CIT: variants seen among roughly 807,000 people sequenced by gnomAD.
CIT encodes the protein citron Rho-interacting kinase.
CIT carries 79 observed loss-of-function variants against 272.7 expected under a neutral mutation model. That is an observed-to-expected ratio of 0.29 (90% CI 0.24 to 0.35). The LOEUF (loss-of-function observed/expected upper bound fraction) is 0.35, where lower values mean the gene tolerates loss of function less well. Ranked by LOEUF, CIT falls within the 10% of genes least tolerant of loss-of-function variation. The probability of loss-of-function intolerance (pLI) is 1.00; values close to 1 mark genes in which losing one functional copy is unlikely to be tolerated. For missense variants in CIT, 1,909 were observed against 2,618.3 expected (o/e 0.73, Z 5.91); for synonymous variants, 948 against 995.6 (o/e 0.95, Z 0.90).
intron 23 of CIT, among the ~76,000 whole-genome samples, chr12:119,745,873 A>G (rs1014538788): frequency 6.6e-6 from 1 of 152,238 alleles, no homozygotes; most frequent in African/African-American, 2.4e-5. Flanking sequence ...ATTTATAAAT[A>G]AAAAGTTATT....
intron 39 of CIT, among the ~76,000 whole-genome samples, chr12:119,708,665 T>C (rs536906978): frequency 2.0e-5 from 3 of 152,044 alleles, no homozygotes; most frequent in African/African-American, 7.2e-5. Context: ...TTTTTTTGTA[T>C]TTTTAGTAGA....
chr12:119,855,189 G>A (rs903746777), intron 4 of CIT, among the ~76,000 whole-genome samples: 14 of 152,082 alleles, frequency 9.2e-5, no homozygotes, highest in African/African-American at 2.7e-4. Context: ...TTGGGAGGCC[G>A]AGGTGGGCGA....
In CIT at chr12:119,687,424, T is replaced by G. The variant is rs1216183127; in HGVS notation, c.*808A>C. On this transcript the variant is annotated 3_prime_UTR_variant, in exon 48 of 48. Coordinates refer to ENST00000392521, the MANE Select transcript of CIT (RefSeq NM_001206999.2). Reference sequence around the variant, plus strand: ...TATATGGAAAGCGGGAACAGCAGGCTGGGGAGATGACGCTGGGGGGTGGGG... The same window carrying G: ...TATATGGAAAGCGGGAACAGCAGGCGGGGGAGATGACGCTGGGGGGTGGGG... 6.6e-6 allele frequency: 1 copy of G among 152,462 alleles called. No individual in the cohort carries two copies. Among genetic ancestry groups the G allele is most frequent in the Non-Finnish European group, 1.5e-5 (1 of 68,084 alleles). 9.4% of individuals were successfully genotyped at this position (152,462 alleles called of 1,614,324 possible).
chr12:119,807,363 G>A (rs1028897652), intron 9 of CIT, among the ~76,000 whole-genome samples: 3 of 152,144 alleles, frequency 2.0e-5, no homozygotes, highest in South Asian at 2.1e-4. Context: ...ATCTGGTCAC[G>A]TCCAAAAACT....
intron 26 of CIT, among the ~76,000 whole-genome samples, chr12:119,733,708 C>T (rs748152128): frequency 5.3e-5 from 8 of 151,936 alleles, no homozygotes; most frequent in Non-Finnish European, 7.4e-5. Context: ...GATGCTGTCC[C>T]GTCCTACAAT....
intron 9 of CIT, among the ~76,000 whole-genome samples, chr12:119,806,535 G>A (rs1367458316): frequency 2.0e-5 from 3 of 152,174 alleles, no homozygotes; most frequent in Non-Finnish European, 4.4e-5. Context: ...GGATCACTGA[G>A]CCCTTGGAGC....
intron 10 of CIT, among the ~76,000 whole-genome samples, chr12:119,788,011 A>G (rs1729361481): frequency 6.6e-6 from 1 of 152,228 alleles, no homozygotes; most frequent in African/African-American, 2.4e-5. Context: ...CATAAATAGT[A>G]CATGCCTCAC....
Position 119,712,920 on chromosome 12 carries a change from C to T in CIT, c.4580-225G>A, listed in dbSNP as rs1235979886. The T allele has an allele frequency of 5.2e-6, 3 of 573,952 alleles. No homozygotes were observed. The highest frequency in any genetic ancestry group is 4.3e-5 in the South Asian group (2 of 46,256). 35.6% of individuals were successfully genotyped at this position (573,952 alleles called of 1,614,324 possible). On this transcript the variant is annotated intron_variant, in intron 35 of 47. Coordinates refer to ENST00000392521, the MANE Select transcript of CIT (RefSeq NM_001206999.2). This position sits in a 1 kb window ranked among gnomAD's most constrained non-coding sequence, Gnocchi z 5.2. ...AGTAGCACAGTCAAATTTCTGATGACGATGCGGATTTATGGGTTAGTTGAC... is the reference window on the plus strand; with the variant it reads ...AGTAGCACAGTCAAATTTCTGATGATGATGCGGATTTATGGGTTAGTTGAC...
chr12:119,850,338 T>A, intron 4 of CIT, 63 bp from the exon 5 acceptor site: 1 of 1,032,584 alleles, frequency 9.7e-7, no homozygotes, highest in Non-Finnish European at 1.5e-6. Context: ...AGAAGCCTTT[T>A]CCTCTGTCTT....
At chr12:119,866,997 C>G (rs1021561820) in intron 3 of CIT, among the ~76,000 whole-genome samples, 7 of 151,870 alleles carry the variant, frequency 4.6e-5, no homozygotes, top group Non-Finnish European at 7.4e-5. Context: ...AGCAAAAGGC[C>G]CTGAAACTTC....
chr12:119,795,281 G>A (rs1965633623), intron 10 of CIT, among the ~76,000 whole-genome samples: 1 of 152,132 alleles, frequency 6.6e-6, no homozygotes, highest in African/African-American at 2.4e-5. Context: ...CAGCTACACG[G>A]GAGGCTGAGG....
At position 119,784,208 on chromosome 12, in the gene CIT, A is replaced by G; in HGVS notation, c.1402-157T>C. 1 of 1,604,550 alleles carries G rather than the reference A, an allele frequency of 6.2e-7. No individual in the cohort carries two copies. The highest frequency in any genetic ancestry group is 8.5e-7 in the Non-Finnish European group (1 of 1,174,396). ...AAATACCATTGTTTCTTCGCCCAGG[A>G]GCGCACAGTTCTTCGTTAAGGACAG... On this transcript the variant is annotated intron_variant, in intron 11 of 47. Coordinates refer to ENST00000392521, the MANE Select transcript of CIT (RefSeq NM_001206999.2). The surrounding 1 kb of genome is among the most constrained non-coding windows in gnomAD (Gnocchi z 4.7).
intron 10 of CIT, among the ~76,000 whole-genome samples, chr12:119,788,363 C>G (rs537434060): frequency 2.6e-5 from 4 of 152,108 alleles, no homozygotes; most frequent in African/African-American, 7.2e-5. Flanking sequence ...GAACAAGACC[C>G]AAACCACCCA....
intron 10 of CIT, among the ~76,000 whole-genome samples, chr12:119,802,166 C>T (rs185102569): frequency 4.6e-5 from 7 of 152,258 alleles, no homozygotes; most frequent in Non-Finnish European, 1.0e-4. Flanking sequence ...TGCTCGTCTC[C>T]TAAGTGGGCA....
intron 20 of CIT, 39 bp downstream of exon 20, chr12:119,760,900 C>A: frequency 7.5e-7 from 1 of 1,325,384 alleles, no homozygotes; most frequent in Non-Finnish European, 1.1e-6. Context: ...TTTCAAAAAC[C>A]CTCCTTTGAA....
chr12:119,793,055 C>G (rs1020420972), intron 10 of CIT, among the ~76,000 whole-genome samples: 1 of 152,136 alleles, frequency 6.6e-6, no homozygotes, highest in Non-Finnish European at 1.5e-5. Context: ...CAGTCAGAGT[C>G]TGTCTAGCTT....
intron 24 of CIT, among the ~76,000 whole-genome samples, chr12:119,738,937 G>A (rs278113): frequency 0.27 from 40,552 of 150,148 alleles, 5,808 homozygotes; most frequent in Middle Eastern, 0.34. Flanking sequence ...AAAAAAAACA[G>A]CTCTGTTTGG....
In CIT at chr12:119,697,809, G is replaced by A. The variant is rs200266447; in HGVS notation, c.5732C>T (p.Pro1911Leu). Residue 1911 changes from proline (P) to leucine (L), a missense_variant, in exon 46 of 48, where the codon CCG (proline) becomes CTG (leucine). Physicochemically the swap from Pro to Leu is moderately conservative, Grantham distance 98. Transcript: ENST00000392521. The surrounding 1 kb of genome is among the most constrained non-coding windows in gnomAD (Gnocchi z 4.9). ...GGCAGGGCCCAGGTAGCGCGGGTTC[G>A]GGATGTCCAGGTACGCTCGGGCAGG... ...GTPARAYLDIPNPRYLGPAIS... is the reference protein window; with the variant it reads ...GTPARAYLDILNPRYLGPAIS... 86 of 1,614,090 alleles carry A rather than the reference G, an allele frequency of 5.3e-5. No individual in the cohort carries two copies. The highest frequency in any genetic ancestry group is 4.5e-5 in the East Asian group (2 of 44,868).
At chr12:119,824,133 T>C (rs1967969001) in intron 8 of CIT, among the ~76,000 whole-genome samples, 2 of 106,154 alleles carry the variant, frequency 1.9e-5, no homozygotes, top group East Asian at 5.2e-4. Context: ...TATATATATA[T>C]ATATATATAC....
Sources: allele counts gnomAD v4.1 joint callset (sites outside exome capture counted in the v4.1 genomes callset), GRCh38; gene constraint gnomAD v4.1.1; non-coding constraint Gnocchi (gnomAD v3.1); transcripts MANE v1.5; gene names NCBI Gene and HGNC (gene_info 2026-07-23, HGNC 2026-07-21).